PUDP: variants seen among roughly 807,000 people sequenced by gnomAD.
PUDP encodes the protein pseudouridine 5'-phosphatase, also known as pseudouridine-5'-phosphatase.
In PUDP, 8 loss-of-function variants were observed where a neutral mutation model predicts 9.4. The ratio of observed to expected loss-of-function variants is 0.85; its 90% CI spans 0.50 to 1.53. The LOEUF (loss-of-function observed/expected upper bound fraction) is 1.53, where lower values mean the gene tolerates loss of function less well. Among genes scored for constraint, PUDP ranks in the 40% most tolerant of loss-of-function variants. PUDP has a pLI of 0.00. For synonymous variants in PUDP, 99 were observed against 80.7 expected (o/e 1.23, Z -1.22); for missense variants, 188 against 189.7 (o/e 0.99, Z 0.05).
chrX:6,739,840 T>C (rs993212589), intron 3 of PUDP, among the ~76,000 whole-genome samples: 1 of 112,078 alleles, frequency 8.9e-6, no homozygotes, highest in Admixed American at 9.5e-5. Context: ...GAACCTGAGC[T>C]AAAATTTAAT....
upstream of PUDP, among the ~76,000 whole-genome samples, chrX:6,725,760 G>T (rs1208640982): frequency 8.9e-6 from 1 of 111,929 alleles, no homozygotes; most frequent in Non-Finnish European, 1.9e-5. Flanking sequence ...AAGCCAAAAA[G>T]ATTACAAATG....
chrX:6,833,156 A>G (rs1368047749), intron 3 of PUDP, among the ~76,000 whole-genome samples: 1 of 112,561 alleles, frequency 8.9e-6, no homozygotes. Flanking sequence ...CACTGTACCA[A>G]TTTTATTTAA....
chrX:6,706,625 G>A (rs755243764), intron 1 of PUDP, among the ~76,000 whole-genome samples: 1 of 111,943 alleles, frequency 8.9e-6, no homozygotes, highest in Non-Finnish European at 1.9e-5. Flanking sequence ...GTGAGGTGCC[G>A]TGAAGGTGGA....
intron 3 of PUDP, among the ~76,000 whole-genome samples, chrX:6,803,050 T>A (rs865882737): frequency 1.3e-4 from 1 of 7,746 alleles, no homozygotes; most frequent in Non-Finnish European, 2.1e-4. Context: ...AAATAAAATA[T>A]AAAATAAAAT....
At chrX:6,713,615 C>G (rs1187817648) in intron 1 of PUDP, among the ~76,000 whole-genome samples, 1 of 111,590 alleles carries the variant, frequency 9.0e-6, no homozygotes, top group Non-Finnish European at 1.9e-5. Context: ...ATGGGCTTAT[C>G]GGGATGTAAC....
rs192043012 is a variant in PUDP, at chrX:6,826,622, C to T, written c.*248-120156G>A. On this transcript the variant is annotated intron_variant and NMD_transcript_variant, in intron 3 of 3. Transcript: ENST00000655425. ...AGCATAAATTTATGTGGATGTACAA[C>T]GTAGCAAAAAAAGAAGAAGAAAATG... Among the ~76,000 whole-genome samples the T allele has an allele frequency of 5.4e-5, 6 of 111,897 alleles. 1 individual carries two copies. The highest frequency in any genetic ancestry group is 1.9e-4 in the African/African-American group (6 of 30,919).
intron 3 of PUDP, among the ~76,000 whole-genome samples, chrX:6,760,558 T>C (rs924017639): frequency 3.6e-5 from 4 of 112,175 alleles, no homozygotes; most frequent in Admixed American, 1.9e-4. Context: ...CATGCATTCC[T>C]GTTTATTACT....
chrX:6,824,202 A>G (rs1012834481), intron 3 of PUDP, among the ~76,000 whole-genome samples: 2 of 111,533 alleles, frequency 1.8e-5, no homozygotes, highest in Non-Finnish European at 3.8e-5. Flanking sequence ...GGAGGATTGC[A>G]TAAGGGGCTT....
intron 3 of PUDP, among the ~76,000 whole-genome samples, chrX:6,964,223 A>C (rs753435092): frequency 8.9e-6 from 1 of 112,710 alleles, no homozygotes; most frequent in South Asian, 3.7e-4. Context: ...TAGCATCAGC[A>C]TATGTCTTAT....
chrX:6,872,352 C>T (rs905572133), intron 3 of PUDP, among the ~76,000 whole-genome samples: 3 of 111,011 alleles, frequency 2.7e-5, no homozygotes, highest in African/African-American at 9.8e-5. Flanking sequence ...CAGTGTTATT[C>T]GATTAGGATC....
At chrX:6,966,999 C>G (rs761368375) in intron 3 of PUDP, among the ~76,000 whole-genome samples, 8 of 111,785 alleles carry the variant, frequency 7.2e-5, no homozygotes, top group Non-Finnish European at 1.3e-4. Context: ...AAGTGCACCA[C>G]TGCCTTCTCT....
intron 3 of PUDP, among the ~76,000 whole-genome samples, chrX:6,934,096 G>A (rs1279088155): frequency 2.0e-5 from 2 of 101,440 alleles, no homozygotes; most frequent in South Asian, 4.6e-4. Flanking sequence ...AATCTAGCAA[G>A]GCAGGCCAAC....
chrX:6,970,587 G>C (rs1179887203), intron 3 of PUDP, among the ~76,000 whole-genome samples: 1 of 111,516 alleles, frequency 9.0e-6, no homozygotes, highest in Non-Finnish European at 1.9e-5. Flanking sequence ...AATTGCCCTA[G>C]AGAATAATTA....
rs543397118 is a variant in PUDP, at chrX:6,720,258, GTA to G, written n.128+1157_128+1158del. Among the ~76,000 whole-genome samples, 428 of 48,787 alleles carry G rather than the reference GTA, an allele frequency of 8.8e-3. 4 individuals are homozygous for G. Among genetic ancestry groups the G allele is most frequent in the Non-Finnish European group, 0.012 (361 of 29,814 alleles). 42.4% of individuals were successfully genotyped at this position (48,787 alleles called of 115,157 possible). A position where few individuals can be genotyped will look rare whatever the true frequency, so the allele number is the denominator to read the frequency against. On this transcript the variant is annotated intron_variant and non_coding_transcript_variant, in intron 1 of 2. Transcript: ENST00000438499. ...TGTATATATGTATGTGTGTGTGTGT[GTA>G]TATATATATATATATATATATATAT...
intron 1 of PUDP, among the ~76,000 whole-genome samples, chrX:7,022,076 CG>C (rs1752952577): frequency 9.0e-6 from 1 of 111,169 alleles, no homozygotes; most frequent in South Asian, 3.8e-4. Context: ...TCGGCCAGGT[CG>C]GTACTTTCCT....
upstream of PUDP, among the ~76,000 whole-genome samples, chrX:6,723,697 C>CAAA (rs939432897): frequency 9.1e-6 from 1 of 109,491 alleles, no homozygotes; most frequent in African/African-American, 3.3e-5. Flanking sequence ...CAAAACAAAA[C>CAAA]AAAACAAAAC....
At chrX:7,005,520 G>A (rs185448937) in intron 1 of PUDP, among the ~76,000 whole-genome samples, 9 of 108,996 alleles carry the variant, frequency 8.3e-5, no homozygotes, top group African/African-American at 1.7e-4. Flanking sequence ...AGCAATCCTC[G>A]TACCTCAGCC....
chrX:7,143,869 C>T (rs1422156518), intron 1 of PUDP, among the ~76,000 whole-genome samples: 10 of 111,776 alleles, frequency 8.9e-5, no homozygotes, highest in East Asian at 2.8e-4. Flanking sequence ...CTGGCCTCCA[C>T]CCTCAGCCAT....
rs533825301 is a variant in PUDP at position 7,006,534 on chromosome X, G to A, written c.205-28191C>T. Among the ~76,000 whole-genome samples, 5 of 110,941 alleles carry A rather than the reference G, an allele frequency of 4.5e-5. No individual in the cohort carries two copies. In the East Asian group the frequency reaches 1.1e-3, roughly 25 times the overall value. On this transcript the variant is annotated intron_variant and NMD_transcript_variant, in intron 1 of 3. Transcript: ENST00000655425. ...GGTCCTCTGCCTATTTTTTTAAATT[G>A]GGTTGATTTTTTTTTGCTGCTGTTT...
Sources: allele counts gnomAD v4.1 joint callset (sites outside exome capture counted in the v4.1 genomes callset), GRCh38; gene constraint gnomAD v4.1.1; transcripts MANE v1.5; gene names NCBI Gene and HGNC (gene_info 2026-07-23, HGNC 2026-07-21).